The following DTWD2 variants were observed in gnomAD, a reference collection of about 807,000 sequenced individuals.
DTWD2 encodes the protein DTW motif tRNA-uridine aminocarboxypropyltransferase 2.
DTWD2 carries 39 observed loss-of-function variants against 31.8 expected under a neutral mutation model. The observed-to-expected ratio is 1.22, with a 90% confidence interval of 0.95 to 1.60. The LOEUF is 1.60. DTWD2 is among the 40% of genes most tolerant of loss of function. The pLI is 0.00. For synonymous variants in DTWD2, 180 were observed against 142.8 expected (o/e 1.26, Z -1.86); for missense variants, 515 against 381.5 (o/e 1.35, Z -2.92).
At chr5:118,884,128 T>C (rs576482054) in intron 4 of DTWD2, among the ~76,000 whole-genome samples, 1 of 152,300 alleles carries the variant, frequency 6.6e-6, no homozygotes, top group African/African-American at 2.4e-5. Flanking sequence ...ATCTAGAATG[T>C]TCTTAATAAA....
intron 1 of DTWD2, among the ~76,000 whole-genome samples, chr5:118,945,386 G>C (rs1436634248): frequency 6.6e-6 from 1 of 152,078 alleles, no homozygotes; most frequent in African/African-American, 2.4e-5. Flanking sequence ...CCAATGACTG[G>C]TTTTTTATGT....
intron 1 of DTWD2, among the ~76,000 whole-genome samples, chr5:118,986,373 T>A (rs973303540): frequency 6.6e-6 from 1 of 152,172 alleles, no homozygotes; most frequent in Non-Finnish European, 1.5e-5. Context: ...ATTCCATTCA[T>A]ATTTAAGATA....
chr5:118,896,244 G>T (rs1464060433), intron 4 of DTWD2, among the ~76,000 whole-genome samples: 2 of 152,136 alleles, frequency 1.3e-5, no homozygotes, highest in Non-Finnish European at 2.9e-5. Context: ...ATCACAGGTT[G>T]CAAAGTTTCC....
At chr5:118,903,968 C>G (rs746761393) in intron 4 of DTWD2, among the ~76,000 whole-genome samples, 10 of 152,016 alleles carry the variant, frequency 6.6e-5, no homozygotes, top group Non-Finnish European at 1.3e-4. Flanking sequence ...ATCTAAAGCT[C>G]TGTATTTCCT....
intron 4 of DTWD2, among the ~76,000 whole-genome samples, chr5:118,866,029 T>A (rs1317184123): frequency 6.6e-6 from 1 of 151,948 alleles, no homozygotes; most frequent in Non-Finnish European, 1.5e-5. Flanking sequence ...TCTGTGTGTG[T>A]GTCTGTTAGT....
chr5:118,841,950 A>G (rs567451767), intron 5 of DTWD2, among the ~76,000 whole-genome samples: 1 of 152,328 alleles, frequency 6.6e-6, no homozygotes, highest in Non-Finnish European at 1.5e-5. Flanking sequence ...AGATTTAACT[A>G]CAAAAAATTC....
intron 3 of DTWD2, among the ~76,000 whole-genome samples, chr5:118,929,217 C>T (rs1753871886): frequency 6.6e-6 from 1 of 151,250 alleles, no homozygotes; most frequent in Admixed American, 6.6e-5. Flanking sequence ...TTGTTAAAGC[C>T]AACTAAATAT....
At chr5:118,978,206 C>G (rs1458210101) in intron 1 of DTWD2, among the ~76,000 whole-genome samples, 1 of 152,012 alleles carries the variant, frequency 6.6e-6, no homozygotes. Flanking sequence ...CTTCCTTACA[C>G]CTTATACAAA....
chr5:118,903,983 T>C (rs1285141234), intron 4 of DTWD2, among the ~76,000 whole-genome samples: 1 of 152,088 alleles, frequency 6.6e-6, no homozygotes, highest in African/African-American at 2.4e-5. Flanking sequence ...TTTCCTTAAT[T>C]AGGACTATAA....
At chr5:118,961,689 T>C (rs1754709888) in intron 1 of DTWD2, among the ~76,000 whole-genome samples, 2 of 152,180 alleles carry the variant, frequency 1.3e-5, no homozygotes, top group Admixed American at 1.3e-4. Context: ...CATAGAATAT[T>C]TTGCTTATTC....
chr5:118,966,784 C>T (rs1754859840), intron 1 of DTWD2, among the ~76,000 whole-genome samples: 1 of 152,100 alleles, frequency 6.6e-6, no homozygotes, highest in East Asian at 1.9e-4. Context: ...AATCCCAGCA[C>T]TTTGAGAGGC....
intron 1 of DTWD2, among the ~76,000 whole-genome samples, chr5:118,968,942 G>A (rs1424969820): frequency 6.6e-6 from 1 of 152,200 alleles, no homozygotes; most frequent in Non-Finnish European, 1.5e-5. Context: ...GTTCCTGAGG[G>A]GCTTGGGAGT....
intron 4 of DTWD2, among the ~76,000 whole-genome samples, chr5:118,919,858 C>T (rs1477193322): frequency 1.3e-5 from 2 of 152,058 alleles, no homozygotes; most frequent in Non-Finnish European, 2.9e-5. Flanking sequence ...CAAACAGTGG[C>T]GTTTCACACT....
intron 1 of DTWD2, among the ~76,000 whole-genome samples, chr5:118,960,298 A>G (rs1203577362): frequency 1.3e-5 from 2 of 152,206 alleles, no homozygotes; most frequent in Admixed American, 6.5e-5. Context: ...AATGAGACAT[A>G]TATACGGCAA....
intron 1 of DTWD2, among the ~76,000 whole-genome samples, chr5:118,973,150 T>C (rs1043957585): frequency 9.7e-4 from 147 of 152,054 alleles, no homozygotes; most frequent in African/African-American, 3.4e-3. Flanking sequence ...ATGTGTGTCT[T>C]TGCACGTGAG....
chr5:118,874,506 G>C (rs1194310888), intron 4 of DTWD2, among the ~76,000 whole-genome samples: 3 of 152,074 alleles, frequency 2.0e-5, no homozygotes, highest in Non-Finnish European at 2.9e-5. Context: ...CCAATATAGA[G>C]AAGACTGTAA....
At chr5:118,952,292 C>T (rs970450523) in intron 1 of DTWD2, among the ~76,000 whole-genome samples, 2 of 152,132 alleles carry the variant, frequency 1.3e-5, no homozygotes, top group Non-Finnish European at 2.9e-5. Context: ...ATGTCACGCG[C>T]GTCCGTGTGA....
chr5:118,933,423 A>C (rs1383175737), intron 3 of DTWD2, among the ~76,000 whole-genome samples: 1 of 152,202 alleles, frequency 6.6e-6, no homozygotes, highest in East Asian at 1.9e-4. Context: ...TCAACAAAAT[A>C]TCAGCAAATT....
chr5:118,947,436 G>A (rs987581933), intron 1 of DTWD2, among the ~76,000 whole-genome samples: 4 of 152,158 alleles, frequency 2.6e-5, no homozygotes, highest in East Asian at 1.9e-4. Flanking sequence ...CCTGGATTCC[G>A]ACTGTCCCGA....
Sources: allele counts gnomAD v4.1 joint callset (sites outside exome capture counted in the v4.1 genomes callset), GRCh38; gene constraint gnomAD v4.1.1; transcripts MANE v1.5; gene names NCBI Gene and HGNC (gene_info 2026-07-23, HGNC 2026-07-21).